Variants in CSMD3 observed in about 807,000 individuals in gnomAD.
CSMD3 encodes CUB and sushi domain-containing protein 3.
A neutral mutation model predicts 435.2 loss-of-function variants in CSMD3; 177 were observed. The observed-to-expected ratio is 0.41, with a 90% confidence interval of 0.36 to 0.46. The LOEUF (loss-of-function observed/expected upper bound fraction) is 0.46, where lower values mean the gene tolerates loss of function less well. Ranked by LOEUF, CSMD3 falls within the 20% of genes least tolerant of loss-of-function variation. The probability of loss-of-function intolerance (pLI) is 0.34; values close to 1 mark genes in which losing one functional copy is unlikely to be tolerated. For synonymous variants in CSMD3, 1,656 were observed against 1,520.5 expected, an observed-to-expected ratio of 1.09 and a Z score of -2.07; for missense variants, 4,265 against 4,504.6, an observed-to-expected ratio of 0.95 and a Z score of 1.52.
rs2130854417 is a variant in CSMD3, at chr8:112,492,652, G to T, written c.5115C>A (p.Gly1705=). Residue 1705 remains glycine, a synonymous_variant, in exon 31 of 71, where the codon GGC becomes GGA. Coordinates refer to ENST00000297405, the MANE Select transcript of CSMD3 (RefSeq NM_198123.2). ...CAAGTCTGGTGCCATTCATTATATT[G>T]CCTGGATCAAAGCAGGACTCTCGCA... ...AKLRESCFDP[G]NIMNGTRLGM... is the part of the protein sequence containing the mutation. The T allele has an allele frequency of 6.2e-7, 1 of 1,613,782 alleles. No individual in the cohort carries two copies. Among genetic ancestry groups the T allele is most frequent in the Non-Finnish European group, 8.5e-7 (1 of 1,179,784 alleles).
intron 23 of CSMD3, among the ~76,000 whole-genome samples, chr8:112,584,528 T>G (rs944778702): frequency 2.0e-5 from 3 of 151,774 alleles, no homozygotes; most frequent in African/African-American, 7.2e-5. Flanking sequence ...AATGTTTGCA[T>G]GGAAATAGAT....
At chr8:112,871,963 CTTTAAT>C (rs1441768283) in intron 10 of CSMD3, among the ~76,000 whole-genome samples, 3 of 151,820 alleles carry the variant, frequency 2.0e-5, no homozygotes, top group Non-Finnish European at 4.4e-5. Flanking sequence ...TCTTATTTTC[CTTTAAT>C]TTTAAAATAT....
chr8:113,372,704 C>T (rs2094353617), intron 1 of CSMD3, among the ~76,000 whole-genome samples: 1 of 151,978 alleles, frequency 6.6e-6, no homozygotes, highest in African/African-American at 2.4e-5. Context: ...GAGGCCGAGG[C>T]GGGTGGATCA....
intron 5 of CSMD3, among the ~76,000 whole-genome samples, chr8:113,081,880 G>A (rs1013108255): frequency 6.6e-6 from 1 of 152,074 alleles, no homozygotes; most frequent in Non-Finnish European, 1.5e-5. Context: ...GATAATATGA[G>A]GCAAAGCAAA....
chr8:112,691,252 TG>T (rs1226583791), intron 13 of CSMD3, among the ~76,000 whole-genome samples: 1 of 152,196 alleles, frequency 6.6e-6, no homozygotes, highest in Non-Finnish European at 1.5e-5. Context: ...TTTAAAAAAC[TG>T]GATTTGATTT....
intron 3 of CSMD3, among the ~76,000 whole-genome samples, chr8:113,236,723 TC>T (rs1037994244): frequency 2.6e-5 from 4 of 152,092 alleles, no homozygotes; most frequent in African/African-American, 9.7e-5. Flanking sequence ...ACAATCAGCA[TC>T]CCAGCTTGCA....
chr8:112,950,197 C>A (rs998472378), intron 8 of CSMD3, among the ~76,000 whole-genome samples: 1 of 151,752 alleles, frequency 6.6e-6, no homozygotes, highest in African/African-American at 2.4e-5. Context: ...ACAAATATGT[C>A]CTAGTTGTTT....
chr8:112,509,086 C>CTTTT (rs758083076), intron 28 of CSMD3, among the ~76,000 whole-genome samples: 3 of 132,486 alleles, frequency 2.3e-5, no homozygotes, highest in African/African-American at 8.3e-5. Flanking sequence ...GATTAGATGT[C>CTTTT]TTTTTTTTTT....
At chr8:112,673,405 C>A (rs1284925811) in intron 16 of CSMD3, among the ~76,000 whole-genome samples, 1 of 151,962 alleles carries the variant, frequency 6.6e-6, no homozygotes, top group Non-Finnish European at 1.5e-5. Context: ...AGATTAGAAG[C>A]AAAGCCCTGC....
At chr8:112,866,475 A>ATGT (rs984501319) in intron 10 of CSMD3, among the ~76,000 whole-genome samples, 1 of 152,164 alleles carries the variant, frequency 6.6e-6, no homozygotes, top group Non-Finnish European at 1.5e-5. Context: ...TATCAGAGTA[A>ATGT]TGTTATTATT....
At chr8:112,456,750 T>G (rs935047217) in intron 32 of CSMD3, among the ~76,000 whole-genome samples, 1 of 152,074 alleles carries the variant, frequency 6.6e-6, no homozygotes, top group African/African-American at 2.4e-5. Flanking sequence ...AGGTCTATAA[T>G]TAATACTGAA....
intron 2 of CSMD3, among the ~76,000 whole-genome samples, chr8:113,295,619 T>C (rs2093715191): frequency 6.6e-6 from 1 of 152,148 alleles, no homozygotes; most frequent in South Asian, 2.1e-4. Context: ...AGGGCCAGCA[T>C]GTTAGCTCAC....
At chr8:112,572,208 G>T (rs1342428184) in intron 24 of CSMD3, among the ~76,000 whole-genome samples, 3 of 151,896 alleles carry the variant, frequency 2.0e-5, no homozygotes, top group Admixed American at 1.3e-4. Flanking sequence ...AACACAATTT[G>T]TCTGGACTAT....
intron 22 of CSMD3, among the ~76,000 whole-genome samples, chr8:112,597,971 C>CCT (rs1831909840): frequency 6.9e-6 from 1 of 145,516 alleles, no homozygotes; most frequent in Non-Finnish European, 1.5e-5. Context: ...ACAGGGATGT[C>CCT]CTCTCTCACC....
chr8:113,347,299 A>C (rs529343169), intron 1 of CSMD3, among the ~76,000 whole-genome samples: 1 of 152,048 alleles, frequency 6.6e-6, no homozygotes, highest in African/African-American at 2.4e-5. Flanking sequence ...TTGTTACCCT[A>C]CCCATCTTAA....
chr8:113,348,345 G>C (rs2094165936), intron 1 of CSMD3, among the ~76,000 whole-genome samples: 1 of 152,112 alleles, frequency 6.6e-6, no homozygotes, highest in African/African-American at 2.4e-5. Flanking sequence ...AATTTCTCAA[G>C]ATCATACAGC....
chr8:113,241,337 T>C (rs769535151), intron 3 of CSMD3, among the ~76,000 whole-genome samples: 2 of 152,032 alleles, frequency 1.3e-5, no homozygotes, highest in Non-Finnish European at 2.9e-5. Context: ...CGCCTGTGAT[T>C]ATGGAAGGAG....
chr8:113,367,089 A>G (rs2094316959), intron 1 of CSMD3, among the ~76,000 whole-genome samples: 1 of 151,868 alleles, frequency 6.6e-6, no homozygotes, highest in Admixed American at 6.6e-5. Flanking sequence ...GATTTACAAT[A>G]TACTTCCGGG....
At chr8:112,245,091 T>G (rs2130124862) in intron 64 of CSMD3, among the ~76,000 whole-genome samples, 1 of 152,236 alleles carries the variant, frequency 6.6e-6, no homozygotes, top group East Asian at 1.9e-4. Context: ...GCTCTGGTAT[T>G]AATACTTCCC....
Sources: gnomAD v4.1 joint callset for allele counts (sites outside exome capture counted in the v4.1 genomes callset) on GRCh38, gnomAD v4.1.1 for gene constraint, MANE v1.5 for transcripts, NCBI Gene and HGNC (gene_info 2026-07-23, HGNC 2026-07-21) for gene names.